HPSE2: variants seen among roughly 807,000 people sequenced by gnomAD.
HPSE2 encodes heparanase 2 (inactive).
A neutral mutation model predicts 60.5 loss-of-function variants in HPSE2; 38 were observed. The observed-to-expected ratio is 0.63, with a 90% confidence interval of 0.48 to 0.82. The LOEUF is 0.82. Ranked by LOEUF, HPSE2 falls within the 40% of genes least tolerant of loss-of-function variation. The pLI, the probability that HPSE2 is intolerant of heterozygous loss-of-function variation, is 0.00. For missense variants in HPSE2, 713 were observed against 740.4 expected (o/e 0.96, Z 0.43); for synonymous variants, 295 against 293.2 (o/e 1.01, Z -0.06).
At chr10:99,145,228 G>A (rs576090583) in intron 2 of HPSE2, among the ~76,000 whole-genome samples, 26 of 152,242 alleles carry the variant, frequency 1.7e-4, no homozygotes, top group Admixed American at 5.9e-4. Flanking sequence ...AGGCCAAGGC[G>A]GGCAGATCAC....
chr10:98,739,490 A>T (rs1949442934), intron 4 of HPSE2, among the ~76,000 whole-genome samples: 1 of 152,090 alleles, frequency 6.6e-6, no homozygotes, highest in African/African-American at 2.4e-5. Flanking sequence ...AAAGTACATA[A>T]ATACATCATA....
At chr10:99,155,493 C>A (rs1846505193) in intron 2 of HPSE2, among the ~76,000 whole-genome samples, 1 of 146,986 alleles carries the variant, frequency 6.8e-6, no homozygotes, top group African/African-American at 2.5e-5. Context: ...CAACCTGCTC[C>A]TGAATGACTA....
the HPSE2 span, among the ~76,000 whole-genome samples, chr10:99,276,620 T>C: frequency 1.3e-5 from 2 of 152,184 alleles, no homozygotes; most frequent in African/African-American, 4.8e-5. Flanking sequence ...GCTTGGAGTC[T>C]TGAAATCCCC....
intron 4 of HPSE2, among the ~76,000 whole-genome samples, chr10:98,726,181 C>G (rs544242452): frequency 1.1e-3 from 173 of 152,244 alleles, no homozygotes; most frequent in African/African-American, 4.0e-3. Flanking sequence ...AAGACACATG[C>G]ACACGTATGT....
chr10:98,903,482 GTC>G (rs1953723818), intron 3 of HPSE2, among the ~76,000 whole-genome samples: 1 of 152,056 alleles, frequency 6.6e-6, no homozygotes, highest in African/African-American at 2.4e-5. Flanking sequence ...AATGTATTCG[GTC>G]TCTCTGCAGT....
chr10:99,011,908 T>C (rs1018543279), intron 3 of HPSE2, among the ~76,000 whole-genome samples: 12 of 152,064 alleles, frequency 7.9e-5, no homozygotes, highest in African/African-American at 2.6e-4. Context: ...TCTCAAACAA[T>C]GTATTTATAT....
intron 3 of HPSE2, among the ~76,000 whole-genome samples, chr10:98,744,814 G>A (rs1949587985): frequency 6.6e-6 from 1 of 152,164 alleles, no homozygotes; most frequent in Admixed American, 6.5e-5. Context: ...GGTGAGTCTT[G>A]GAAAATAGCT....
intron 9 of HPSE2, among the ~76,000 whole-genome samples, chr10:98,504,523 A>G (rs1473952277): frequency 1.3e-5 from 2 of 152,216 alleles, no homozygotes; most frequent in African/African-American, 4.8e-5. Flanking sequence ...GCATTGGCTC[A>G]TGCCTATAAT....
chr10:98,580,605 T>C (rs1251964238), intron 9 of HPSE2, among the ~76,000 whole-genome samples: 3 of 151,970 alleles, frequency 2.0e-5, no homozygotes, highest in Non-Finnish European at 4.4e-5. Flanking sequence ...GCTGTGCTGG[T>C]TTCTGAATAT....
rs1589705104 is a variant in HPSE2, at chr10:98,721,660, T to G, written c.953A>C (p.Asp318Ala). The G allele has an allele frequency of 1.2e-6, 2 of 1,613,352 alleles. No homozygotes were observed. The highest frequency in any genetic ancestry group is 4.5e-5 in the East Asian group (2 of 44,842). ...RPRKNVIALL[D>A]GFMKVAGSTV... ...AAAGCTAAATAATCTGACCTACCCA[T>G]CTAGGAGGGCGATGACATTCTTCCT... The change falls in exon 5 of 12, where the codon GAT (aspartate) becomes GCT (alanine). Residue 318 changes from aspartate to alanine, a missense_variant. Physicochemically the swap from Asp to Ala is moderately radical, Grantham distance 126. Coordinates refer to ENST00000370552, the MANE Select transcript of HPSE2 (RefSeq NM_021828.5).
chr10:99,188,018 A>G (rs1848091186), intron 2 of HPSE2, among the ~76,000 whole-genome samples: 1 of 152,224 alleles, frequency 6.6e-6, no homozygotes, highest in Admixed American at 6.5e-5. Context: ...AGCAAATTGT[A>G]TAGTAAGCAA....
chr10:98,601,533 T>C (rs35603394), intron 9 of HPSE2, among the ~76,000 whole-genome samples: 62,606 of 152,148 alleles, frequency 0.41, 15,543 homozygotes, highest in Admixed American at 0.53. Flanking sequence ...CTGCATGTTC[T>C]TGATGAGTGT....
intron 3 of HPSE2, among the ~76,000 whole-genome samples, chr10:98,955,712 C>G (rs1005858771): frequency 2.0e-5 from 3 of 152,046 alleles, no homozygotes; most frequent in African/African-American, 7.2e-5. Flanking sequence ...AACCCAAATG[C>G]CCATCAATCA....
intron 9 of HPSE2, among the ~76,000 whole-genome samples, chr10:98,504,382 A>T (rs1403266249): frequency 1.3e-5 from 2 of 151,872 alleles, no homozygotes; most frequent in Non-Finnish European, 1.5e-5. Context: ...TCTCATTTAA[A>T]TTTTTTTCCA....
rs527388411 is a variant in HPSE2, at chr10:98,858,608, A to G, written c.611-114552T>C. Among the ~76,000 whole-genome samples, 8 of 152,216 alleles carry G rather than the reference A, an allele frequency of 5.3e-5. No homozygotes were observed. The South Asian group carries it at 1.2e-3, about 24-fold the overall frequency. ...AAAGTTGCTGAAAAAGCCTCTGTGG[A>G]ATTGTGTGAAGGGTCCCAAACTCAG... On this transcript the variant is annotated intron_variant, in intron 3 of 11. Transcript: ENST00000370552.
At chr10:99,159,939 A>G (rs146700918) in intron 2 of HPSE2, among the ~76,000 whole-genome samples, 3,545 of 152,160 alleles carry the variant, frequency 0.023, 64 homozygotes, top group Non-Finnish European at 0.037. Flanking sequence ...CCAGGGGCTC[A>G]AGACCAGCCT....
rs573576662 is a variant in HPSE2 at position 98,683,100 on chromosome 10, AGAT to A, written c.1004+10797_1004+10799del. ...GAACAACTAAATATCCCAAGAGAAA[AGAT>A]GAACAGATATGGACAGTTAAGAATC... On this transcript the variant is annotated intron_variant, in intron 6 of 11. Transcript: ENST00000370552. Among the ~76,000 whole-genome samples, 207 of 152,342 alleles carry A rather than the reference AGAT, an allele frequency of 1.4e-3. 2 individuals carry two copies. The highest frequency in any genetic ancestry group is 4.7e-3 in the African/African-American group (197 of 41,564).
intron 2 of HPSE2, among the ~76,000 whole-genome samples, chr10:99,145,082 T>G (rs1316726396): frequency 6.6e-6 from 1 of 152,236 alleles, no homozygotes; most frequent in Non-Finnish European, 1.5e-5. Context: ...TTTCCCATAC[T>G]GCTTTTTATA....
chr10:98,760,226 C>T (rs1049726397), intron 3 of HPSE2, among the ~76,000 whole-genome samples: 1 of 151,914 alleles, frequency 6.6e-6, no homozygotes, highest in Non-Finnish European at 1.5e-5. Flanking sequence ...CATCTGTAAA[C>T]AGACAATTTC....
Sources: allele counts gnomAD v4.1 joint callset (sites outside exome capture counted in the v4.1 genomes callset), GRCh38; gene constraint gnomAD v4.1.1; transcripts MANE v1.5; gene names NCBI Gene and HGNC (gene_info 2026-07-23, HGNC 2026-07-21).